ANKRD46: variants seen among roughly 807,000 people sequenced by gnomAD.
ANKRD46 encodes ankyrin repeat domain-containing protein 46.
A neutral mutation model predicts 19.8 loss-of-function variants in ANKRD46; 13 were observed. The observed-to-expected ratio is 0.66, with a 90% CI of 0.43 to 1.04. The LOEUF is 1.04. ANKRD46 is among the 50% of genes least tolerant of loss of function. ANKRD46 has a pLI of 0.00. For synonymous variants in ANKRD46, 91 were observed against 106.9 expected (o/e 0.85, Z 0.92); for missense variants, 185 against 274.8 (o/e 0.67, Z 2.31).
At position 100,525,874 on chromosome 8, in the gene ANKRD46, A is replaced by AT. The variant is rs1433679463; in HGVS notation, c.470+1970dup. 6.6e-6 allele frequency among the ~76,000 whole-genome samples: 1 copy of AT among 152,112 alleles called. No individual in the cohort carries two copies. The highest frequency in any genetic ancestry group is 1.9e-4 in the East Asian group (1 of 5,194). ...CCATCAGCAGTGTATGAGGGTTCCAATTTCTCCACATCCTCCAGAGCACTT... is the reference window on the plus strand; with the variant it reads ...CCATCAGCAGTGTATGAGGGTTCCAATTTTCTCCACATCCTCCAGAGCACTT... On this transcript the variant is annotated intron_variant, in intron 4 of 4. Transcript: ENST00000335659. This position sits in a 1 kb window ranked among gnomAD's most constrained non-coding sequence, Gnocchi z 4.4.
downstream of ANKRD46, among the ~76,000 whole-genome samples, chr8:100,517,865 C>T (rs949375667): frequency 6.6e-6 from 1 of 152,160 alleles, no homozygotes; most frequent in Non-Finnish European, 1.5e-5. Context: ...GTGTTCACTC[C>T]AAGATAAACT....
chr8:100,541,271 T>C (rs1167792043), intron 1 of ANKRD46, among the ~76,000 whole-genome samples: 1 of 152,156 alleles, frequency 6.6e-6, no homozygotes, highest in African/African-American at 2.4e-5. Flanking sequence ...GCATTCTAAC[T>C]TATTCATTTA....
At chr8:100,540,338 G>C (rs558430250) in intron 1 of ANKRD46, among the ~76,000 whole-genome samples, 3 of 152,298 alleles carry the variant, frequency 2.0e-5, no homozygotes, top group Admixed American at 6.5e-5. Context: ...TTCATTCAAA[G>C]TGAACGTCTT....
At chr8:100,553,197 T>A (rs1812427621) in intron 1 of ANKRD46, among the ~76,000 whole-genome samples, 2 of 152,124 alleles carry the variant, frequency 1.3e-5, no homozygotes, top group African/African-American at 4.8e-5. Context: ...GAAATAAAAA[T>A]AAGCCTATTG....
chr8:100,544,102 C>T lies in ANKRD46; in HGVS notation c.-130-10791G>A, dbSNP rs1812225994. Among the ~76,000 whole-genome samples, 1 of 152,164 alleles carries T rather than the reference C, an allele frequency of 6.6e-6. No individual in the cohort carries two copies. Among genetic ancestry groups the T allele is most frequent in the Non-Finnish European group, 1.5e-5 (1 of 68,042 alleles). Reference sequence around the variant, plus strand: ...TACAACTACCTTTTATATTGCCTTACACTTTAGGAAATATTTCTCATTTAT... The same window carrying T: ...TACAACTACCTTTTATATTGCCTTATACTTTAGGAAATATTTCTCATTTAT... On this transcript the variant is annotated intron_variant, in intron 1 of 4. Coordinates refer to ENST00000335659, the MANE Select transcript of ANKRD46 (RefSeq NM_001270377.2). The surrounding 1 kb of genome is among the most constrained non-coding windows in gnomAD (Gnocchi z 4.4).
intron 2 of ANKRD46, among the ~76,000 whole-genome samples, chr8:100,530,573 C>T (rs536369683): frequency 1.3e-5 from 2 of 152,122 alleles, no homozygotes; most frequent in South Asian, 2.1e-4. Context: ...TTAGTAGAGA[C>T]GGGGTTTCAC....
In ANKRD46 at chr8:100,521,517, A is replaced by G. The variant is rs1433493023; in HGVS notation, c.*1038T>C. On this transcript the variant is annotated 3_prime_UTR_variant, in exon 5 of 5. Transcript: ENST00000335659. ...TTACCATTCATAAAGAGTTTATGAC[A>G]CCCAGTACGATACTGTCCAGCACTG... is the stretch of plus-strand genomic sequence containing the variant. 2 of 985,328 alleles carry G rather than the reference A, an allele frequency of 2.0e-6. No individual in the cohort carries two copies. The highest frequency in any genetic ancestry group is 3.5e-5 in the African/African-American group (2 of 57,250). 61.0% of individuals were successfully genotyped at this position (985,328 alleles called of 1,614,324 possible).
At chr8:100,516,207 A>G (rs1811628578), downstream of ANKRD46, among the ~76,000 whole-genome samples, 1 of 152,228 alleles carries the variant, frequency 6.6e-6, no homozygotes, top group Admixed American at 6.5e-5. Flanking sequence ...CTTCATTCAA[A>G]TGATTCATTA....
intron 2 of ANKRD46, among the ~76,000 whole-genome samples, chr8:100,530,453 G>C (rs1380870488): frequency 6.6e-6 from 1 of 151,054 alleles, no homozygotes; most frequent in African/African-American, 2.4e-5. Flanking sequence ...GCGCGGTCTT[G>C]GCTCACTGCA....
At position 100,534,788 on chromosome 8, in the gene ANKRD46, G is replaced by A. The variant is rs1429817233; in HGVS notation, c.-130-1477C>T. ...TGCAATTTTTTCTTTTTTTATTTTT[G>A]AGACAGAGTCTCACTCTGTCGCTGG... On this transcript the variant is annotated intron_variant, in intron 1 of 4. Coordinates refer to ENST00000335659, the MANE Select transcript of ANKRD46 (RefSeq NM_001270377.2). The surrounding 1 kb of genome is among the most constrained non-coding windows in gnomAD (Gnocchi z 4.2). 2.6e-5 allele frequency among the ~76,000 whole-genome samples: 4 copies of A among 151,612 alleles called. 1 individual carries two copies. Among genetic ancestry groups the A allele is most frequent in the Admixed American group, 2.0e-4 (3 of 15,256 alleles).
chr8:100,540,167 C>T (rs1188484606), intron 1 of ANKRD46, among the ~76,000 whole-genome samples: 1 of 151,312 alleles, frequency 6.6e-6, no homozygotes, highest in Non-Finnish European at 1.5e-5. Context: ...AAGGTACATG[C>T]ATACTATCAC....
Position 100,536,128 on chromosome 8 carries a change from C to T in ANKRD46, c.-130-2817G>A, listed in dbSNP as rs192909292. 1.3e-5 allele frequency among the ~76,000 whole-genome samples: 2 copies of T among 151,986 alleles called. No homozygotes were observed. The highest frequency in any genetic ancestry group is 1.3e-4 in the Admixed American group (2 of 15,258). Reference sequence around the variant, plus strand: ...TACCAAAGGGAGTGTTTAATAAGAACCATTCTTCAAACAGAATTACAGGCA... The same window carrying T: ...TACCAAAGGGAGTGTTTAATAAGAATCATTCTTCAAACAGAATTACAGGCA... On this transcript the variant is annotated intron_variant, in intron 1 of 4. Coordinates refer to ENST00000335659, the MANE Select transcript of ANKRD46 (RefSeq NM_001270377.2). The surrounding 1 kb of genome is among the most constrained non-coding windows in gnomAD (Gnocchi z 4.9).
Position 100,528,005 on chromosome 8 carries a change from T to TCAA in ANKRD46, c.312-3_312-2insTTG. The TCAA allele has an allele frequency of 8.6e-7, 1 of 1,164,224 alleles. No homozygotes were observed. Among genetic ancestry groups the TCAA allele is most frequent in the Non-Finnish European group, 1.1e-6 (1 of 946,472 alleles). The allele number at this position is 1,164,224 out of a possible 1,614,324, so 72.1% of individuals were successfully genotyped here. A position where few individuals can be genotyped will look rare whatever the true frequency, so the allele number is the denominator to read the frequency against. Reference sequence around the variant, plus strand: ...AAAGGGGTAGCACCTTGATGATTGCTAAAAAAAAAAAAAAAAAAAAAAGTT... The same window carrying TCAA: ...AAAGGGGTAGCACCTTGATGATTGCTCAAAAAAAAAAAAAAAAAAAAAAAAGTT... On this transcript the variant is annotated splice_region_variant and splice_polypyrimidine_tract_variant and intron_variant, in intron 3 of 4. Transcript: ENST00000335659.
At chr8:100,515,734 G>A (rs1019280813) in intron 5 of ANKRD46, among the ~76,000 whole-genome samples, 1 of 152,066 alleles carries the variant, frequency 6.6e-6, no homozygotes, top group Non-Finnish European at 1.5e-5. Flanking sequence ...ACTGTATCTG[G>A]ATTCAAATAA....
chr8:100,518,197 G>A (rs1811664503), downstream of ANKRD46, among the ~76,000 whole-genome samples: 1 of 151,796 alleles, frequency 6.6e-6, no homozygotes, highest in African/African-American at 2.4e-5. Flanking sequence ...TCTTAAAAAA[G>A]ATTAAATAAG....
chr8:100,523,933 C>T (rs1811784625), intron 4 of ANKRD46, among the ~76,000 whole-genome samples: 1 of 152,194 alleles, frequency 6.6e-6, no homozygotes, highest in South Asian at 2.1e-4. Flanking sequence ...CATGAGCCAC[C>T]ACAGCTGGCC....
At chr8:100,523,453 G>C (rs1223858211) in intron 4 of ANKRD46, among the ~76,000 whole-genome samples, 3 of 151,786 alleles carry the variant, frequency 2.0e-5, no homozygotes, top group Non-Finnish European at 4.4e-5. Context: ...CTGTTGGGGG[G>C]AGGGGGGAAG....
chr8:100,511,899 C>G lies in ANKRD46; in HGVS notation c.637-1260G>C, dbSNP rs1811552323. ...AATTAGCTGGGTGGGGTGGTGCATGCCTGTAACCCCAGCTACTCGGGAAGC... is the reference window on the plus strand; with the variant it reads ...AATTAGCTGGGTGGGGTGGTGCATGGCTGTAACCCCAGCTACTCGGGAAGC... On this transcript the variant is annotated intron_variant, in intron 5 of 5. Coordinates refer to the ANKRD46 transcript ENST00000520552. The surrounding 1 kb of genome is among the most constrained non-coding windows in gnomAD (Gnocchi z 4.1). 6.6e-6 allele frequency among the ~76,000 whole-genome samples: 1 copy of G among 152,158 alleles called. No individual in the cohort carries two copies. Among genetic ancestry groups the G allele is most frequent in the Non-Finnish European group, 1.5e-5 (1 of 68,034 alleles).
In ANKRD46 at chr8:100,556,052, C is replaced by T. The variant is rs990626886; in HGVS notation, c.-131+3659G>A. On this transcript the variant is annotated intron_variant, in intron 1 of 4. Transcript: ENST00000335659. ...AGATAAAAATTGCATTCTTTTTATA[C>T]ACCTACTACATTTGAAACTATGCAG... 5.3e-5 allele frequency among the ~76,000 whole-genome samples: 8 copies of T among 152,318 alleles called. No homozygotes were observed. In the South Asian group the frequency reaches 1.2e-3, roughly 24 times the overall value.
Sources: gnomAD v4.1 joint callset for allele counts (sites outside exome capture counted in the v4.1 genomes callset) on GRCh38, gnomAD v4.1.1 for gene constraint, Gnocchi (gnomAD v3.1) non-coding constraint, MANE v1.5 for transcripts, NCBI Gene and HGNC (gene_info 2026-07-23, HGNC 2026-07-21) for gene names.